SPDEF: variants seen among roughly 807,000 people sequenced by gnomAD.
SPDEF encodes SAM pointed domain-containing Ets transcription factor.
Under a neutral mutation model 36.0 loss-of-function variants are expected in SPDEF, and 12 were observed. The ratio of observed to expected loss-of-function variants is 0.33; its 90% CI spans 0.21 to 0.54. SPDEF has a LOEUF of 0.54. Among genes scored for constraint, SPDEF ranks in the 20% least tolerant of loss-of-function variants. The pLI is 0.93. For synonymous variants in SPDEF, 205 were observed against 193.0 expected (o/e 1.06, Z -0.51); for missense variants, 388 against 456.9 (o/e 0.85, Z 1.37).
intron 1 of SPDEF, among the ~76,000 whole-genome samples, chr6:34,545,543 G>A (rs1172856702): frequency 6.6e-6 from 1 of 152,266 alleles, no homozygotes; most frequent in Non-Finnish European, 1.5e-5. Flanking sequence ...AAGGGGGACT[G>A]GAGAGGTGCG....
intron 2 of SPDEF, among the ~76,000 whole-genome samples, chr6:34,543,728 AG>A (rs991846849): frequency 2.0e-5 from 3 of 152,184 alleles, no homozygotes; most frequent in African/African-American, 7.2e-5. Flanking sequence ...AGAGTGAATG[AG>A]GGGAGAGCGA....
intron 1 of SPDEF, among the ~76,000 whole-genome samples, chr6:34,545,028 ACC>A (rs1379972256): frequency 1.3e-5 from 2 of 152,058 alleles, no homozygotes; most frequent in Non-Finnish European, 2.9e-5. Context: ...CGGGGTAGAA[ACC>A]CTCCCACACG....
At position 34,550,379 on chromosome 6, in the gene SPDEF, C is replaced by T. The variant is rs78231203; in HGVS notation, c.-30+5550G>A. On this transcript the variant is annotated intron_variant, in intron 1 of 5. Coordinates refer to ENST00000374037, the MANE Select transcript of SPDEF (RefSeq NM_012391.3). ...CTTCTGCCCGCTGGACAGACCACCC[C>T]GCTGCCCAGGAAGGGGGCCCAGGCT... Among the ~76,000 whole-genome samples, 122 of 152,326 alleles carry T rather than the reference C, an allele frequency of 8.0e-4. 1 individual carries two copies. The East Asian group carries it at 0.014, about 18-fold the overall frequency.
intron 1 of SPDEF, among the ~76,000 whole-genome samples, chr6:34,550,422 G>A (rs148142605): frequency 1.2e-3 from 183 of 152,304 alleles, no homozygotes; most frequent in African/African-American, 3.9e-3. Flanking sequence ...CGGGCCAGCA[G>A]CTCCTGCCCT....
At chr6:34,549,585 C>T (rs933004420) in intron 1 of SPDEF, among the ~76,000 whole-genome samples, 5 of 152,276 alleles carry the variant, frequency 3.3e-5, no homozygotes, top group Non-Finnish European at 5.9e-5. Context: ...ACCTGGGAGG[C>T]GTTTGCTAAG....
At position 34,544,615 on chromosome 6, in the gene SPDEF, C is replaced by G. The variant is rs1024347999; in HGVS notation, c.-29-131G>C. On this transcript the variant is annotated intron_variant, in intron 1 of 5. Coordinates refer to ENST00000374037, the MANE Select transcript of SPDEF (RefSeq NM_012391.3). The surrounding 1 kb of genome is among the most constrained non-coding windows in gnomAD (Gnocchi z 4.4). ...GGGACAGAGTTGGGGGCTTCCGGGT[C>G]ATTGGGCAGCCACGACATGGTTGGG... 6.0e-6 allele frequency: 4 copies of G among 669,220 alleles called. No homozygotes were observed. In the African/African-American group the frequency reaches 7.3e-5, roughly 12 times the overall value. The allele number at this position is 669,220 out of a possible 1,614,324, so 41.5% of individuals were successfully genotyped here. A position where few individuals can be genotyped will look rare whatever the true frequency, so the allele number is the denominator to read the frequency against.
rs1768165498 is a variant in SPDEF at position 34,556,302 on chromosome 6, G to A, written c.-403C>T. The A allele has an allele frequency of 6.6e-6, 1 of 152,482 alleles. No homozygotes were observed. Among genetic ancestry groups the A allele is most frequent in the African/African-American group, 2.4e-5 (1 of 41,444 alleles). 9.4% of individuals were successfully genotyped at this position (152,482 alleles called of 1,614,324 possible). On this transcript the variant is annotated 5_prime_UTR_variant, in exon 1 of 6. Transcript: ENST00000374037. ...ACGGCAGAGTGCAGGAATGTGCTGG[G>A]AGGAAGTCAGACAGCCGCGAGATGA...
rs1242082488 is a variant in SPDEF at position 34,539,366 on chromosome 6, C to T, written c.713G>A (p.Ser238Asn). ...ASTSEESWTD[S>N]EVDSSCSGQP... Reference sequence around the variant, plus strand: ...CCCGGAGCATGATGAGTCCACCTCGCTGTCGGTCCAGCTCTCCTCACTGGT... The same window carrying T: ...CCCGGAGCATGATGAGTCCACCTCGTTGTCGGTCCAGCTCTCCTCACTGGT... Residue 238 changes from serine to asparagine, a missense_variant, in exon 5 of 6, where the codon AGC (serine) becomes AAC (asparagine). Coordinates refer to ENST00000374037, the MANE Select transcript of SPDEF (RefSeq NM_012391.3). The surrounding 1 kb of genome is among the most constrained non-coding windows in gnomAD (Gnocchi z 5.2). The T allele has an allele frequency of 1.2e-6, 2 of 1,613,734 alleles. No individual in the cohort carries two copies. Among genetic ancestry groups the T allele is most frequent in the South Asian group, 1.1e-5 (1 of 91,092 alleles).
At position 34,539,474 on chromosome 6, in the gene SPDEF, C is replaced by G. The variant is rs370909179; in HGVS notation, c.682+41G>C. The G allele has an allele frequency of 6.3e-6, 10 of 1,582,600 alleles. No individual in the cohort carries two copies. Among genetic ancestry groups the G allele is most frequent in the East Asian group, 2.4e-5 (1 of 42,426 alleles). ...TTCATTGGCAGCCACCCCTCCACCCCACCCGAGCCCCCGCCTCCACCCTGC... is the reference window on the plus strand; with the variant it reads ...TTCATTGGCAGCCACCCCTCCACCCGACCCGAGCCCCCGCCTCCACCCTGC... On this transcript the variant is annotated intron_variant, in intron 4 of 5. Coordinates refer to ENST00000374037, the MANE Select transcript of SPDEF (RefSeq NM_012391.3). This position sits in a 1 kb window ranked among gnomAD's most constrained non-coding sequence, Gnocchi z 5.2.
rs935745398 is a variant in SPDEF at position 34,539,672 on chromosome 6, G to T, written c.635-110C>A. ...CACAGGAGCCCCTCTGTGGCTGGGG[G>T]TTGCCCCTGTGGCTCCCTGCCTCCT... On this transcript the variant is annotated intron_variant, in intron 3 of 5. Transcript: ENST00000374037. The surrounding 1 kb of genome is among the most constrained non-coding windows in gnomAD (Gnocchi z 5.2). 1.5e-6 allele frequency: 2 copies of T among 1,313,380 alleles called. No individual in the cohort carries two copies. Among genetic ancestry groups the T allele is most frequent in the South Asian group, 1.3e-5 (1 of 79,398 alleles). The allele number at this position is 1,313,380 out of a possible 1,614,324, so 81.4% of individuals were successfully genotyped here. A position where few individuals can be genotyped will look rare whatever the true frequency, so the allele number is the denominator to read the frequency against.
In SPDEF at chr6:34,544,448, C is replaced by T; in HGVS notation, c.8G>A (p.Ser3Asn). 1 of 1,543,408 alleles carries T rather than the reference C, an allele frequency of 6.5e-7. No individual in the cohort carries two copies. The highest frequency in any genetic ancestry group is 8.7e-7 in the Non-Finnish European group (1 of 1,145,032). ...TACGCTGCTCAGACCCGGGCTGGCG[C>T]TGCCCATGCCGCTGCTGTTTGGGCT... MG[S>N]ASPGLSSVSP... Residue 3 changes from serine (S) to asparagine (N), a missense_variant, in exon 2 of 6, where the codon AGC becomes AAC. By Grantham distance (46) the Ser-to-Asn change is conservative (BLOSUM62 1). Coordinates refer to ENST00000374037, the MANE Select transcript of SPDEF (RefSeq NM_012391.3). This position sits in a 1 kb window ranked among gnomAD's most constrained non-coding sequence, Gnocchi z 4.4.
rs1474210834 is a variant in SPDEF, at chr6:34,539,485, C to A, written c.682+30G>T. ...CCACCCCTCCACCCCACCCGAGCCC[C>A]CGCCTCCACCCTGCCGCTGCCTGGC... is the stretch of plus-strand genomic sequence containing the variant. On this transcript the variant is annotated intron_variant, in intron 4 of 5. Transcript: ENST00000374037. This position sits in a 1 kb window ranked among gnomAD's most constrained non-coding sequence, Gnocchi z 5.2. The A allele has an allele frequency of 4.4e-6, 7 of 1,584,430 alleles. No individual in the cohort carries two copies. The highest frequency in any genetic ancestry group is 6.0e-6 in the Non-Finnish European group (7 of 1,167,494).
chr6:34,552,764 AAGAAC>A lies in SPDEF; in HGVS notation c.-30+3160_-30+3164del, dbSNP rs1385971764. On this transcript the variant is annotated intron_variant, in intron 1 of 5. Transcript: ENST00000374037. The surrounding 1 kb of genome is among the most constrained non-coding windows in gnomAD (Gnocchi z 4.6). ...CCAGAAAGAACTGTCCTGACAGGCT[AAGAAC>A]AGAAATTGCTTCAAACAAGGTTGAG... Among the ~76,000 whole-genome samples the A allele has an allele frequency of 6.6e-6, 1 of 152,240 alleles. No homozygotes were observed. The highest frequency in any genetic ancestry group is 6.5e-5 in the Admixed American group (1 of 15,290).
At chr6:34,540,715 C>A (rs1221947261) in intron 3 of SPDEF, among the ~76,000 whole-genome samples, 1 of 152,216 alleles carries the variant, frequency 6.6e-6, no homozygotes, top group African/African-American at 2.4e-5. Flanking sequence ...CCAGCTCTGA[C>A]ATCCTGCATC....
chr6:34,554,962 G>A (rs1237249654), intron 1 of SPDEF, among the ~76,000 whole-genome samples: 1 of 152,196 alleles, frequency 6.6e-6, no homozygotes, highest in Non-Finnish European at 1.5e-5. Context: ...CACAGGCTAC[G>A]CGGGGCTCAT....
chr6:34,550,213 C>CCCCTTCTCTGCTCCTCCAA (rs796120408), intron 1 of SPDEF, among the ~76,000 whole-genome samples: 145 of 152,344 alleles, frequency 9.5e-4, no homozygotes, highest in African/African-American at 3.3e-3. Context: ...GTTCCTCCCA[C>CCCCTTCTCTGCTCCTCCAA]CCCTTCTCTG....
chr6:34,550,030 A>G (rs1031799049), intron 1 of SPDEF, among the ~76,000 whole-genome samples: 4 of 152,186 alleles, frequency 2.6e-5, no homozygotes, highest in Non-Finnish European at 5.9e-5. Flanking sequence ...CAGGGGCCAC[A>G]TGGGCCTGCC....
Position 34,538,347 on chromosome 6 carries a change from T to C in SPDEF, c.935A>G (p.Tyr312Cys). ...CTTCCGGATGATGCCCTTCTTGTAA[T>C]ACTGGCGGATGGAGCGGCTCAGCTT... is the stretch of plus-strand genomic sequence containing the variant. ...YDKLSRSIRQ[Y>C]YKKGIIRKPD... Residue 312 changes from tyrosine (Y) to cysteine (C), a missense_variant, in exon 6 of 6, where the codon TAT becomes TGT. By Grantham distance (194) the Tyr-to-Cys change is radical (BLOSUM62 -2). This residue lies in a region of SPDEF where 80 missense variants were observed against 130.8 expected (regional missense o/e 0.61). Transcript: ENST00000374037. This position sits in a 1 kb window ranked among gnomAD's most constrained non-coding sequence, Gnocchi z 5.9. 1 of 1,614,104 alleles carries C rather than the reference T, an allele frequency of 6.2e-7. No homozygotes were observed.
intron 1 of SPDEF, among the ~76,000 whole-genome samples, chr6:34,545,847 C>T (rs557364686): frequency 2.6e-5 from 4 of 151,744 alleles, no homozygotes; most frequent in East Asian, 1.9e-4. Flanking sequence ...ACCCAGGAGG[C>T]GGCTGCAGTG....
Sources: gnomAD v4.1 joint callset for allele counts (sites outside exome capture counted in the v4.1 genomes callset) on GRCh38, gnomAD v4.1.1 for gene constraint, gnomAD v4.1.1 regional missense constraint, Gnocchi (gnomAD v3.1) non-coding constraint, MANE v1.5 for transcripts, NCBI Gene and HGNC (gene_info 2026-07-23, HGNC 2026-07-21) for gene names.